Variants in ZNF800 observed in about 807,000 individuals in gnomAD.
ZNF800 encodes the protein zinc finger protein 800.
ZNF800 carries 13 observed loss-of-function variants against 59.5 expected under a neutral mutation model. The observed-to-expected ratio is 0.22, with a 90% confidence interval of 0.14 to 0.35. The LOEUF (loss-of-function observed/expected upper bound fraction) is 0.35. Among genes scored for constraint, ZNF800 ranks in the 10% least tolerant of loss-of-function variants. ZNF800 has a pLI of 1.00. For synonymous variants in ZNF800, 266 were observed against 265.7 expected, an observed-to-expected ratio of 1.00 and a Z score of -0.01; for missense variants, 621 against 783.7, an observed-to-expected ratio of 0.79 and a Z score of 2.48.
intron 3 of ZNF800, among the ~76,000 whole-genome samples, chr7:127,378,703 C>T (rs1800861289): frequency 7.7e-6 from 1 of 129,800 alleles, no homozygotes; most frequent in Non-Finnish European, 1.6e-5. Flanking sequence ...AATCATTTCC[C>T]CCACCCCCAC....
intron 3 of ZNF800, among the ~76,000 whole-genome samples, chr7:127,382,471 G>C (rs1801004446): frequency 6.6e-6 from 1 of 152,188 alleles, no homozygotes; most frequent in South Asian, 2.1e-4. Context: ...GTGTTATAGA[G>C]AGGAGGGAAA....
At chr7:127,361,814 C>G (rs1019938939) in intron 1 of ZNF800, 1 of 152,044 alleles carries the variant, frequency 6.6e-6, no homozygotes, top group Non-Finnish European at 1.5e-5. Context: ...TAAATATAAT[C>G]TATTCTTGAT....
At chr7:127,386,251 A>G in intron 2 of ZNF800, 96 bp from the exon 3 acceptor site, 1 of 672,666 alleles carries the variant, frequency 1.5e-6, no homozygotes, top group Non-Finnish European at 2.6e-6. Context: ...CTACAATTAC[A>G]TTAAGGATAA....
chr7:127,375,404 CAATT>C (rs1800764432), intron 4 of ZNF800, among the ~76,000 whole-genome samples: 1 of 151,916 alleles, frequency 6.6e-6, no homozygotes, highest in South Asian at 2.1e-4. Context: ...TCTCGTAACT[CAATT>C]GATAAAACAG....
At chr7:127,384,916 A>T (rs1801093723) in intron 3 of ZNF800, among the ~76,000 whole-genome samples, 1 of 152,242 alleles carries the variant, frequency 6.6e-6, no homozygotes, top group South Asian at 2.1e-4. Context: ...ACCATCCAAT[A>T]TAAGGATAGG....
At chr7:127,384,739 C>T (rs1477258240) in intron 3 of ZNF800, among the ~76,000 whole-genome samples, 4 of 152,114 alleles carry the variant, frequency 2.6e-5, no homozygotes, top group Admixed American at 1.3e-4. Flanking sequence ...CAAACAGACA[C>T]TATTTTTTCT....
intron 1 of ZNF800, among the ~76,000 whole-genome samples, chr7:127,359,038 A>G (rs958054236): frequency 2.6e-4 from 40 of 152,154 alleles, no homozygotes; most frequent in African/African-American, 9.4e-4. Flanking sequence ...GAAATCTTCA[A>G]CCTTTAAAAG....
Position 127,374,013 on chromosome 7 carries a change from C to A in ZNF800, c.1323G>T (p.Lys441Asn). Reference protein sequence around the residue: ...LKGTNHSNEKKNTPAAQKNKV... With the variant: ...LKGTNHSNEKNNTPAAQKNKV... ...TATTTTTCTGTGCTGCCGGTGTGTT[C>A]TTTTTTTCATTTGAATGATTTGTTC... Residue 441 changes from lysine to asparagine, a missense_variant, in exon 5 of 6, where the codon AAG (lysine) becomes AAT (asparagine). Physicochemically the swap from Lys to Asn is moderately conservative, Grantham distance 94 (BLOSUM62 0). Coordinates refer to ENST00000265827, the MANE Select transcript of ZNF800 (RefSeq NM_176814.5). 1 of 1,613,778 alleles carries A rather than the reference C, an allele frequency of 6.2e-7. No homozygotes were observed. Among genetic ancestry groups the A allele is most frequent in the Non-Finnish European group, 8.5e-7 (1 of 1,179,936 alleles).
At chr7:127,343,588 G>A (rs17869284), downstream of ZNF800, among the ~76,000 whole-genome samples, 4,024 of 152,020 alleles carry the variant, frequency 0.026, 75 homozygotes, top group East Asian at 0.05. Context: ...AATGTTATGG[G>A]TGAGTTTCTC....
chr7:127,391,842 C>A lies in ZNF800; in HGVS notation c.-59+218G>T, dbSNP rs970333664. Reference sequence around the variant, plus strand: ...GCAGCCTCGGGTGCGCAGCGCAGGGCGAAGGCCTGGCCGGCAGCGCGGGCG... The same window carrying A: ...GCAGCCTCGGGTGCGCAGCGCAGGGAGAAGGCCTGGCCGGCAGCGCGGGCG... On this transcript the variant is annotated intron_variant, in intron 1 of 5. Transcript: ENST00000265827. Among the ~76,000 whole-genome samples, 2 of 151,948 alleles carry A rather than the reference C, an allele frequency of 1.3e-5. 1 individual carries two copies. Among genetic ancestry groups the A allele is most frequent in the Admixed American group, 1.3e-4 (2 of 15,246 alleles).
At chr7:127,379,629 A>C (rs1380895240) in intron 3 of ZNF800, among the ~76,000 whole-genome samples, 1 of 152,120 alleles carries the variant, frequency 6.6e-6, no homozygotes, top group Non-Finnish European at 1.5e-5. Context: ...TCCCTAAATC[A>C]GACACATCAC....
chr7:127,344,159 C>T (rs1268408843), downstream of ZNF800, among the ~76,000 whole-genome samples: 2 of 151,936 alleles, frequency 1.3e-5, no homozygotes, highest in Admixed American at 1.3e-4. Context: ...TGATTGGCTA[C>T]TTAGAAGAGA....
At chr7:127,356,936 T>C (rs1800283222) in intron 1 of ZNF800, among the ~76,000 whole-genome samples, 1 of 152,076 alleles carries the variant, frequency 6.6e-6, no homozygotes, top group South Asian at 2.1e-4. Flanking sequence ...CAAAGTCTCC[T>C]GGGAATTCTT....
intron 3 of ZNF800, among the ~76,000 whole-genome samples, chr7:127,380,944 T>G (rs568209878): frequency 2.0e-5 from 3 of 152,208 alleles, no homozygotes; most frequent in Non-Finnish European, 4.4e-5. Context: ...TCAATAAAAA[T>G]TACTTAAACT....
rs974650416 is a variant in ZNF800 at position 127,380,277 on chromosome 7, C to T, written c.158-2948G>A. Among the ~76,000 whole-genome samples, 14 of 152,040 alleles carry T rather than the reference C, an allele frequency of 9.2e-5. 1 individual carries two copies. The Middle Eastern group carries it at 0.01, about 111-fold the overall frequency. ...CAGAGAAGATATTCTTGATGCTCAC[C>T]GCTACCCCAGCTCTCAGGATAATGC... On this transcript the variant is annotated intron_variant, in intron 3 of 5. Coordinates refer to ENST00000265827, the MANE Select transcript of ZNF800 (RefSeq NM_176814.5).
chr7:127,377,466 C>T lies in ZNF800; in HGVS notation c.158-137G>A. ...AAATATAGGCATTGCCAATTTCCAC[C>T]ACAGTATATTTAGAACTAAGTTATA... is the stretch of plus-strand genomic sequence containing the variant. On this transcript the variant is annotated intron_variant, in intron 3 of 5. Coordinates refer to ENST00000265827, the MANE Select transcript of ZNF800 (RefSeq NM_176814.5). The surrounding 1 kb of genome is among the most constrained non-coding windows in gnomAD (Gnocchi z 4.7). 1 of 625,750 alleles carries T rather than the reference C, an allele frequency of 1.6e-6. No individual in the cohort carries two copies. The highest frequency in any genetic ancestry group is 2.3e-5 in the South Asian group (1 of 43,798). 38.8% of individuals were successfully genotyped at this position (625,750 alleles called of 1,614,324 possible). A position where few individuals can be genotyped will look rare whatever the true frequency, so the allele number is the denominator to read the frequency against.
intron 1 of ZNF800, among the ~76,000 whole-genome samples, chr7:127,348,613 G>GT (rs1201909626): frequency 1.3e-5 from 2 of 152,228 alleles, no homozygotes; most frequent in African/African-American, 4.8e-5. Flanking sequence ...TTTGTACCAT[G>GT]TGAGTGTATA....
chr7:127,366,050 T>C (rs1562900043), downstream of ZNF800, among the ~76,000 whole-genome samples: 1 of 152,122 alleles, frequency 6.6e-6, no homozygotes, highest in Non-Finnish European at 1.5e-5. Flanking sequence ...ATAATCATTT[T>C]ACAGACAGGA....
chr7:127,371,744 G>A lies in ZNF800; in HGVS notation c.*70C>T. The A allele has an allele frequency of 1.4e-6, 1 of 728,366 alleles. No individual in the cohort carries two copies. Among genetic ancestry groups the A allele is most frequent in the African/African-American group, 1.8e-5 (1 of 56,482 alleles). 45.1% of individuals were successfully genotyped at this position (728,366 alleles called of 1,614,324 possible). A position where few individuals can be genotyped will look rare whatever the true frequency, so the allele number is the denominator to read the frequency against. On this transcript the variant is annotated 3_prime_UTR_variant, in exon 6 of 6. Coordinates refer to ENST00000265827, the MANE Select transcript of ZNF800 (RefSeq NM_176814.5). ...TAGTACCATTTGAAGATGTTTAGTG[G>A]TTCTAACACCAATTTAAAGTCTTTC...
Sources: allele counts gnomAD v4.1 joint callset (sites outside exome capture counted in the v4.1 genomes callset), GRCh38; gene constraint gnomAD v4.1.1; non-coding constraint Gnocchi (gnomAD v3.1); transcripts MANE v1.5; gene names NCBI Gene and HGNC (gene_info 2026-07-23, HGNC 2026-07-21).